Variants in TP53BP2 observed in about 807,000 individuals in gnomAD.
TP53BP2 encodes the protein apoptosis-stimulating of p53 protein 2.
Under a neutral mutation model 126.2 loss-of-function variants are expected in TP53BP2, and 62 were observed. The ratio of observed to expected loss-of-function variants is 0.49; its 90% CI spans 0.40 to 0.61. TP53BP2 has a LOEUF of 0.61. TP53BP2 is among the 20% of genes least tolerant of loss of function. The probability of loss-of-function intolerance (pLI) is 0.00; values close to 1 mark genes in which losing one functional copy is unlikely to be tolerated. For synonymous variants in TP53BP2, 485 were observed against 502.9 expected, an observed-to-expected ratio of 0.96 and a Z score of 0.48; for missense variants, 1,215 against 1,402.8, an observed-to-expected ratio of 0.87 and a Z score of 2.14.
chr1:223,829,472 A>G (rs1267326262), intron 1 of TP53BP2, among the ~76,000 whole-genome samples: 1 of 152,170 alleles, frequency 6.6e-6, no homozygotes, highest in African/African-American at 2.4e-5. Flanking sequence ...ATGTTTTTAA[A>G]TTATCTGTCA....
Position 223,796,967 on chromosome 1 carries a change from C to T in TP53BP2, c.1949-377G>A, listed in dbSNP as rs954289111. 1.3e-5 allele frequency among the ~76,000 whole-genome samples: 2 copies of T among 152,122 alleles called. No individual in the cohort carries two copies. The highest frequency in any genetic ancestry group is 6.5e-5 in the Admixed American group (1 of 15,278). On this transcript the variant is annotated intron_variant, in intron 12 of 17. Coordinates refer to ENST00000343537, the MANE Select transcript of TP53BP2 (RefSeq NM_001031685.3). This position sits in a 1 kb window ranked among gnomAD's most constrained non-coding sequence, Gnocchi z 4.2. ...AGATTAAAACTAAACATGTACTATC[C>T]CATCTTTCACTTTTCAAAAGTGAAT...
At chr1:223,799,869 A>C in intron 11 of TP53BP2, 30 bp downstream of exon 11, 1 of 1,545,010 alleles carries the variant, frequency 6.5e-7, no homozygotes, top group Non-Finnish European at 8.7e-7. Context: ...ATTACTATTA[A>C]ATTTTAAAAA....
chr1:223,834,016 A>G (rs1387738767), intron 1 of TP53BP2, among the ~76,000 whole-genome samples: 1 of 152,186 alleles, frequency 6.6e-6, no homozygotes. Flanking sequence ...GCCACTTGAA[A>G]CATCTGAAGG....
At chr1:223,791,459 C>A (rs1472489058) in intron 15 of TP53BP2, among the ~76,000 whole-genome samples, 1 of 152,118 alleles carries the variant, frequency 6.6e-6, no homozygotes, top group African/African-American at 2.4e-5. Context: ...CAAAGTGCTT[C>A]TCCAAGCATT....
intron 13 of TP53BP2, among the ~76,000 whole-genome samples, chr1:223,794,692 T>C (rs1662259507): frequency 6.6e-6 from 1 of 152,252 alleles, no homozygotes; most frequent in Non-Finnish European, 1.5e-5. Context: ...CGTCCTTCTT[T>C]TCTTATGTTT....
At chr1:223,827,783 C>G (rs1388633950) in intron 1 of TP53BP2, among the ~76,000 whole-genome samples, 1 of 151,100 alleles carries the variant, frequency 6.6e-6, no homozygotes, top group African/African-American at 2.4e-5. Flanking sequence ...CCTTCCTTTA[C>G]TTGGAAGAGG....
chr1:223,803,539 T>TTA, intron 6 of TP53BP2, 87 bp from the exon 7 acceptor site: 1 of 1,337,392 alleles, frequency 7.5e-7, no homozygotes, highest in Non-Finnish European at 1.0e-6. Flanking sequence ...ACAATGAACT[T>TTA]TCTAATAAAC....
Position 223,789,173 on chromosome 1 carries a change from T to C in TP53BP2, c.2998A>G (p.Thr1000Ala), listed in dbSNP as rs1157287295. The C allele has an allele frequency of 6.2e-7, 1 of 1,613,800 alleles. No individual in the cohort carries two copies. Among genetic ancestry groups the C allele is most frequent in the Admixed American group, 1.7e-5 (1 of 59,992 alleles). Residue 1000 changes from threonine (T) to alanine (A), a missense_variant and splice_region_variant, in exon 16 of 18, where the codon ACT (threonine) becomes GCT (alanine). This residue lies in a region of TP53BP2 where 151 missense variants were observed against 231.2 expected (regional missense o/e 0.65). Transcript: ENST00000343537. ...CATGAGGCAGCACAATGTAATGGAG[T>C]CCTGTGAAGCAAGATACGAGGGCTA... ...NVNAADSDGW[T>A]PLHCAASCNN...
At chr1:223,836,609 G>C (rs1663931067) in intron 1 of TP53BP2, among the ~76,000 whole-genome samples, 1 of 152,152 alleles carries the variant, frequency 6.6e-6, no homozygotes, top group African/African-American at 2.4e-5. Context: ...ATTCTGGAGA[G>C]GGAAGAGACA....
At chr1:223,825,541 T>C (rs1299018979) in intron 1 of TP53BP2, among the ~76,000 whole-genome samples, 1 of 152,244 alleles carries the variant, frequency 6.6e-6, no homozygotes, top group Non-Finnish European at 1.5e-5. Context: ...CGGTATGGCA[T>C]GTAGCGTGTA....
At chr1:223,810,730 A>G (rs1051979053) in intron 3 of TP53BP2, among the ~76,000 whole-genome samples, 1 of 152,200 alleles carries the variant, frequency 6.6e-6, no homozygotes, top group African/African-American at 2.4e-5. Context: ...GCACTACTAA[A>G]TATCACATGC....
intron 4 of TP53BP2, among the ~76,000 whole-genome samples, chr1:223,807,790 G>A (rs1196483678): frequency 6.6e-6 from 1 of 152,064 alleles, no homozygotes; most frequent in Admixed American, 6.6e-5. Flanking sequence ...ACTGCTGAAA[G>A]AAAATGCAAA....
intron 1 of TP53BP2, among the ~76,000 whole-genome samples, chr1:223,827,919 CAAAT>C (rs1361934377): frequency 1.1e-4 from 16 of 152,174 alleles, no homozygotes; most frequent in African/African-American, 3.6e-4. Context: ...CTTTGTTTTA[CAAAT>C]TTACTGTATT....
At chr1:223,807,272 G>C (rs1408227953) in intron 4 of TP53BP2, among the ~76,000 whole-genome samples, 1 of 152,152 alleles carries the variant, frequency 6.6e-6, no homozygotes, top group Admixed American at 6.5e-5. Flanking sequence ...TATTACAACA[G>C]AAGTGTTTGA....
intron 15 of TP53BP2, 39 bp from the exon 16 acceptor site, chr1:223,789,213 AACTGAATGACACCTGCT>A: frequency 6.2e-7 from 1 of 1,607,196 alleles, no homozygotes; most frequent in Non-Finnish European, 8.5e-7. Context: ...TGTTTTCCTA[AACTGAATGACACCTGCT>A]GATAAGATAT....
chr1:223,832,921 G>T (rs920100254), intron 1 of TP53BP2, among the ~76,000 whole-genome samples: 4 of 152,132 alleles, frequency 2.6e-5, no homozygotes, highest in Non-Finnish European at 5.9e-5. Flanking sequence ...CAATATCTGA[G>T]TAGGCAACCC....
At chr1:223,829,710 T>C (rs1663628441) in intron 1 of TP53BP2, among the ~76,000 whole-genome samples, 1 of 138,194 alleles carries the variant, frequency 7.2e-6, no homozygotes, top group Admixed American at 7.4e-5. Flanking sequence ...GTTTTCATCA[T>C]AAAGAGTGCA....
chr1:223,800,228 A>G (rs768001075), intron 10 of TP53BP2, among the ~76,000 whole-genome samples, 181 bp from the exon 11 acceptor site: 2 of 151,666 alleles, frequency 1.3e-5, no homozygotes, highest in Non-Finnish European at 2.9e-5. Context: ...TGAGTTCTCC[A>G]GCTAAATTAA....
intron 1 of TP53BP2, among the ~76,000 whole-genome samples, chr1:223,836,848 C>T (rs567391279): frequency 6.6e-6 from 1 of 152,124 alleles, no homozygotes; most frequent in African/African-American, 2.4e-5. Context: ...AGGATGAAAG[C>T]CCAGGTCCGT....
Sources: allele counts gnomAD v4.1 joint callset (sites outside exome capture counted in the v4.1 genomes callset), GRCh38; gene constraint gnomAD v4.1.1; regional missense constraint gnomAD v4.1.1; non-coding constraint Gnocchi (gnomAD v3.1); transcripts MANE v1.5; gene names NCBI Gene and HGNC (gene_info 2026-07-23, HGNC 2026-07-21).